The following CNTN4 variants were observed in gnomAD, a reference collection of about 807,000 sequenced individuals.
CNTN4 encodes contactin 4.
In CNTN4, 77 loss-of-function variants were observed where a neutral mutation model predicts 122.5. The observed-to-expected ratio is 0.63, with a 90% CI of 0.52 to 0.76. CNTN4 has a LOEUF of 0.76. Ranked by LOEUF, CNTN4 falls within the 30% of genes least tolerant of loss-of-function variation. CNTN4 has a pLI of 0.00. For missense variants in CNTN4, 1,256 were observed against 1,259.1 expected (o/e 1.00, Z 0.04); for synonymous variants, 512 against 447.0 (o/e 1.15, Z -1.83).
chr3:2,865,143 A>T (rs1211355199), intron 7 of CNTN4, among the ~76,000 whole-genome samples: 1 of 152,224 alleles, frequency 6.6e-6, no homozygotes, highest in East Asian at 1.9e-4. Flanking sequence ...TGACACCAGC[A>T]TGGGGTTACT....
At chr3:2,358,310 C>T (rs530515930) in intron 3 of CNTN4, among the ~76,000 whole-genome samples, 1 of 152,236 alleles carries the variant, frequency 6.6e-6, no homozygotes, top group East Asian at 1.9e-4. Flanking sequence ...TAACACCTAC[C>T]TCGCAGGATA....
intron 7 of CNTN4, among the ~76,000 whole-genome samples, chr3:2,826,553 C>T (rs1250892454): frequency 2.0e-5 from 3 of 152,192 alleles, no homozygotes; most frequent in African/African-American, 7.2e-5. Flanking sequence ...TCCTAGCTCT[C>T]CCATCAACTT....
intron 3 of CNTN4, among the ~76,000 whole-genome samples, chr3:2,428,415 G>A (rs2047928044): frequency 6.6e-6 from 1 of 152,174 alleles, no homozygotes; most frequent in African/African-American, 2.4e-5. Flanking sequence ...CTCTCTTCTG[G>A]CTTGTAGAGT....
intron 8 of CNTN4, chr3:2,882,854 CT>C (rs988493065): frequency 2.6e-5 from 9 of 339,908 alleles, no homozygotes; most frequent in East Asian, 7.0e-5. Context: ...TCCCCTTCTC[CT>C]TTTTTTCCTT....
chr3:2,869,255 A>G (rs2093758438), intron 8 of CNTN4, among the ~76,000 whole-genome samples: 1 of 152,202 alleles, frequency 6.6e-6, no homozygotes. Flanking sequence ...CTTTCAGAAA[A>G]CAATAGTGAA....
chr3:2,947,993 GA>G (rs72162600), intron 13 of CNTN4, among the ~76,000 whole-genome samples: 11,446 of 149,342 alleles, frequency 0.077, 477 homozygotes, highest in Middle Eastern at 0.12. Flanking sequence ...TAATTGTAGG[GA>G]AAAAAAAAAC....
At chr3:2,672,268 C>G (rs914197239) in intron 4 of CNTN4, among the ~76,000 whole-genome samples, 1 of 152,180 alleles carries the variant, frequency 6.6e-6, no homozygotes, top group Non-Finnish European at 1.5e-5. Context: ...CCACCCAGTT[C>G]GAGCTTCCAG....
chr3:3,011,738 G>A (rs1024855125), intron 14 of CNTN4, among the ~76,000 whole-genome samples: 2 of 152,034 alleles, frequency 1.3e-5, no homozygotes, highest in Non-Finnish European at 1.5e-5. Context: ...TTAGAGTCGC[G>A]ATATTTCTTT....
chr3:2,987,967 C>T (rs1694730638), intron 13 of CNTN4, among the ~76,000 whole-genome samples: 1 of 152,040 alleles, frequency 6.6e-6, no homozygotes. Flanking sequence ...ATTGATTAAT[C>T]AAGGGATTTT....
At chr3:2,286,042 T>A (rs2041887950) in intron 2 of CNTN4, among the ~76,000 whole-genome samples, 2 of 152,120 alleles carry the variant, frequency 1.3e-5, no homozygotes, top group African/African-American at 2.4e-5. Flanking sequence ...TTGTATCAAT[T>A]TATACATCTA....
chr3:2,629,027 G>C (rs1038875491), intron 4 of CNTN4, among the ~76,000 whole-genome samples: 1 of 152,192 alleles, frequency 6.6e-6, no homozygotes, highest in Non-Finnish European at 1.5e-5. Flanking sequence ...CATAGCTGTA[G>C]TGAAATTTTG....
At chr3:2,784,958 A>G (rs1001990147) in intron 6 of CNTN4, among the ~76,000 whole-genome samples, 2 of 152,146 alleles carry the variant, frequency 1.3e-5, no homozygotes, top group African/African-American at 2.4e-5. Flanking sequence ...GGATAATTAT[A>G]CTTGAGTAGT....
intron 5 of CNTN4, among the ~76,000 whole-genome samples, chr3:2,743,640 T>G (rs2089591272): frequency 6.6e-6 from 1 of 152,248 alleles, no homozygotes; most frequent in African/African-American, 2.4e-5. Context: ...ATTTAGTTAA[T>G]TAAATTCAAC....
At chr3:2,501,750 AT>A (rs2076600003) in intron 3 of CNTN4, among the ~76,000 whole-genome samples, 1 of 152,140 alleles carries the variant, frequency 6.6e-6, no homozygotes, top group Non-Finnish European at 1.5e-5. Context: ...AGTTAAATCA[AT>A]CTTTAAAGTC....
intron 4 of CNTN4, among the ~76,000 whole-genome samples, chr3:2,667,945 G>T (rs987166464): frequency 6.6e-6 from 1 of 151,928 alleles, no homozygotes; most frequent in African/African-American, 2.4e-5. Context: ...TGTTCCATTG[G>T]TCTATATGTC....
chr3:2,222,823 GTCATCTTTC>G (rs1361060485), intron 2 of CNTN4, among the ~76,000 whole-genome samples: 7 of 152,110 alleles, frequency 4.6e-5, no homozygotes, highest in African/African-American at 9.7e-5. Context: ...TTGTCATTCT[GTCATCTTTC>G]TCATCTTTCT....
At chr3:2,906,853 A>G (rs1455644090) in intron 12 of CNTN4, among the ~76,000 whole-genome samples, 1 of 151,764 alleles carries the variant, frequency 6.6e-6, no homozygotes, top group Non-Finnish European at 1.5e-5. Context: ...TCAAAAAAAA[A>G]AAAAAAGAAA....
chr3:2,275,736 A>T (rs1627906), intron 2 of CNTN4, among the ~76,000 whole-genome samples: 7,838 of 151,902 alleles, frequency 0.052, 263 homozygotes, highest in African/African-American at 0.085. Context: ...CCTGGCCAAC[A>T]TGATGAAACC....
intron 2 of CNTN4, among the ~76,000 whole-genome samples, chr3:2,220,276 C>T (rs1244269755): frequency 6.6e-6 from 1 of 152,176 alleles, no homozygotes; most frequent in Non-Finnish European, 1.5e-5. Flanking sequence ...GAACACTTAT[C>T]ACCACCTGCC....
Sources: allele counts gnomAD v4.1 joint callset (sites outside exome capture counted in the v4.1 genomes callset), GRCh38; gene constraint gnomAD v4.1.1; transcripts MANE v1.5; gene names NCBI Gene and HGNC (gene_info 2026-07-23, HGNC 2026-07-21).